The following UGT1A9 variants were observed in gnomAD, a reference collection of about 807,000 sequenced individuals.
UGT1A9 encodes the protein UDP-glucuronosyltransferase 1A9.
UGT1A9 carries 35 observed loss-of-function variants against 45.0 expected under a neutral mutation model. The ratio of observed to expected loss-of-function variants is 0.78; its 90% CI spans 0.59 to 1.03. The LOEUF (loss-of-function observed/expected upper bound fraction) is 1.03, where lower values mean the gene tolerates loss of function less well. Among genes scored for constraint, UGT1A9 ranks in the 50% least tolerant of loss-of-function variants. The pLI is 0.00. For missense variants in UGT1A9, 687 were observed against 666.6 expected (o/e 1.03, Z -0.34); for synonymous variants, 278 against 250.6 (o/e 1.11, Z -1.03).
At chr2:233,682,023 T>C in intron 1 of UGT1A9, 1 of 1,614,128 alleles carries the variant, frequency 6.2e-7, no homozygotes. Flanking sequence ...GGGAAGCTGC[T>C]GGTAGTGCCC....
At position 233,742,060 on chromosome 2, in the gene UGT1A9, T is replaced by A. The variant is rs74500985; in HGVS notation, c.856-24974T>A. On this transcript the variant is annotated intron_variant, in intron 1 of 4. Transcript: ENST00000354728. ...AGCATAGCAATAGGATAGTTCTGTG[T>A]GGCCTTATGGAGATCCTTTTTTTAC... 642 of 152,036 alleles carry A rather than the reference T, an allele frequency of 4.2e-3. 25 individuals carry two copies. Among genetic ancestry groups the A allele is most frequent in the African/African-American group, 0.015 (610 of 41,262 alleles). 9.4% of individuals were successfully genotyped at this position (152,036 alleles called of 1,614,324 possible).
At chr2:233,697,906 T>A (rs1439764311) in intron 1 of UGT1A9, among the ~76,000 whole-genome samples, 1 of 152,240 alleles carries the variant, frequency 6.6e-6, no homozygotes, top group Non-Finnish European at 1.5e-5. Flanking sequence ...ATCTATTGAC[T>A]CCTTCTCCTA....
At chr2:233,681,430 C>G (rs961076025) in intron 1 of UGT1A9, among the ~76,000 whole-genome samples, 2 of 149,472 alleles carry the variant, frequency 1.3e-5, no homozygotes, top group African/African-American at 5.0e-5. Flanking sequence ...GCTACTGAGG[C>G]TGAGGCAGGA....
At chr2:233,696,389 A>G (rs1016787235) in intron 1 of UGT1A9, among the ~76,000 whole-genome samples, 3 of 152,108 alleles carry the variant, frequency 2.0e-5, no homozygotes, top group African/African-American at 7.2e-5. Context: ...TATTCTTTGT[A>G]CGTTTTGTAA....
intron 1 of UGT1A9, among the ~76,000 whole-genome samples, chr2:233,726,156 G>T (rs1332003910): frequency 1.3e-5 from 2 of 152,114 alleles, no homozygotes; most frequent in Non-Finnish European, 2.9e-5. Flanking sequence ...ACAGAGTGAG[G>T]CCCCATTTCA....
At chr2:233,685,298 G>T (rs937897898) in intron 1 of UGT1A9, among the ~76,000 whole-genome samples, 1 of 152,168 alleles carries the variant, frequency 6.6e-6, no homozygotes, top group African/African-American at 2.4e-5. Context: ...CTTTCAAAGT[G>T]TTGAGATTAC....
At chr2:233,705,767 T>G (rs886992171) in intron 1 of UGT1A9, among the ~76,000 whole-genome samples, 4 of 152,184 alleles carry the variant, frequency 2.6e-5, no homozygotes, top group South Asian at 2.1e-4. Context: ...CTGCATACTT[T>G]GAGTGTCTTA....
chr2:233,717,924 T>C (rs776585493), intron 1 of UGT1A9: 6 of 454,714 alleles, frequency 1.3e-5, no homozygotes, highest in South Asian at 3.1e-5. Context: ...GATGAATGGA[T>C]ACTTCAGTCT....
chr2:233,682,768 T>C (rs200244233), intron 1 of UGT1A9: 6 of 1,613,586 alleles, frequency 3.7e-6, no homozygotes, highest in African/African-American at 2.7e-5. Flanking sequence ...GTATCAACTG[T>C]CATCAGGGAA....
chr2:233,738,569 A>G (rs1031993936), intron 1 of UGT1A9, among the ~76,000 whole-genome samples: 1 of 152,222 alleles, frequency 6.6e-6, no homozygotes, highest in African/African-American at 2.4e-5. Context: ...GAATCTGTTG[A>G]GAACTGGAGC....
At position 233,722,845 on chromosome 2, in the gene UGT1A9, C is replaced by CTTT. The variant is rs61550889; in HGVS notation, c.856-44177_856-44175dup. Among the ~76,000 whole-genome samples the CTTT allele has an allele frequency of 2.2e-4, 30 of 135,360 alleles. 2 individuals carry two copies. The highest frequency in any genetic ancestry group is 7.7e-4 in the African/African-American group (28 of 36,400). The allele number at this position is 135,360 out of a possible 152,430, so 88.8% of individuals were successfully genotyped here. ...ATTTTGTATTATAATAAGAATGTTT[C>CTTT]TTTTTTTTTTTTTTGAAGGAAAAAA... On this transcript the variant is annotated intron_variant, in intron 1 of 4. Transcript: ENST00000354728.
chr2:233,729,669 C>A (rs1433524187), intron 1 of UGT1A9: 1 of 1,613,792 alleles, frequency 6.2e-7, no homozygotes, highest in African/African-American at 1.3e-5. Context: ...GTGATTTAGA[C>A]TTTAAGGGCA....
chr2:233,744,127 T>G, intron 1 of UGT1A9: 2 of 357,210 alleles, frequency 5.6e-6, no homozygotes, highest in South Asian at 4.6e-5. Context: ...TGAGGCTCTG[T>G]GAGGCCCTGT....
chr2:233,713,333 G>A, intron 1 of UGT1A9: 3 of 1,614,196 alleles, frequency 1.9e-6, no homozygotes, highest in Non-Finnish European at 1.7e-6. Flanking sequence ...CTAGAAGAAT[G>A]GCAATTATGA....
At chr2:233,734,977 G>T (rs2078594249) in intron 1 of UGT1A9, among the ~76,000 whole-genome samples, 1 of 152,188 alleles carries the variant, frequency 6.6e-6, no homozygotes, top group Non-Finnish European at 1.5e-5. Context: ...GTGCTGAGAA[G>T]AATGTATATT....
intron 1 of UGT1A9, among the ~76,000 whole-genome samples, chr2:233,673,105 G>A (rs1221114647): frequency 6.6e-6 from 1 of 152,020 alleles, no homozygotes; most frequent in Non-Finnish European, 1.5e-5. Context: ...CTATATGCCC[G>A]CCCCAGAGGA....
At chr2:233,712,440 C>T (rs2013021) in intron 1 of UGT1A9, among the ~76,000 whole-genome samples, 15,570 of 152,162 alleles carry the variant, frequency 0.1, 916 homozygotes, top group East Asian at 0.2. Context: ...GTGTGAAAAA[C>T]GACCAAAACC....
Position 233,690,778 on chromosome 2 carries a change from C to T in UGT1A9, c.855+17989C>T, listed in dbSNP as rs80089165. The T allele has an allele frequency of 5.0e-4, 115 of 229,708 alleles. No homozygotes were observed. The African/African-American group carries it at 5.8e-3, about 12-fold the overall frequency. 14.2% of individuals were successfully genotyped at this position (229,708 alleles called of 1,614,324 possible). A position where few individuals can be genotyped will look rare whatever the true frequency, so the allele number is the denominator to read the frequency against. On this transcript the variant is annotated intron_variant, in intron 1 of 4. Coordinates refer to ENST00000354728, the MANE Select transcript of UGT1A9 (RefSeq NM_021027.3). ...GCAGACATACACACACACACACATA[C>T]ACACACACACACACACACACACCAT...
Position 233,768,364 on chromosome 2 carries a change from G to T in UGT1A9, c.1220G>T (p.Gly407Val). 1 of 1,614,172 alleles carries T rather than the reference G, an allele frequency of 6.2e-7. No homozygotes were observed. Among genetic ancestry groups the T allele is most frequent in the Non-Finnish European group, 8.5e-7 (1 of 1,180,034 alleles). ...NAKRMETKGA[G>V]VTLNVLEMTS... ...AAGCGCATGGAGACTAAGGGAGCTG[G>T]AGTGACCCTGAATGTTCTGGAAATG... Residue 407 changes from glycine to valine, a missense_variant, in exon 4 of 5, where the codon GGA (glycine) becomes GTA (valine). Coordinates refer to ENST00000354728, the MANE Select transcript of UGT1A9 (RefSeq NM_021027.3).
Sources: allele counts gnomAD v4.1 joint callset (sites outside exome capture counted in the v4.1 genomes callset), GRCh38; gene constraint gnomAD v4.1.1; transcripts MANE v1.5; gene names NCBI Gene and HGNC (gene_info 2026-07-23, HGNC 2026-07-21).